The following TANK variants were observed in gnomAD, a reference collection of about 807,000 sequenced individuals.
The protein encoded by TANK is TRAF family member-associated NF-kappa-B activator.
Under a neutral mutation model 43.6 loss-of-function variants are expected in TANK, and 15 were observed. The observed-to-expected ratio is 0.34, with a 90% CI of 0.23 to 0.53. The LOEUF is 0.53. Ranked by LOEUF, TANK falls within the 20% of genes least tolerant of loss-of-function variation. The pLI, the probability that TANK is intolerant of heterozygous loss-of-function variation, is 0.94. For missense variants in TANK, 417 were observed against 498.6 expected (o/e 0.84, Z 1.56); for synonymous variants, 162 against 178.2 (o/e 0.91, Z 0.73).
At chr2:161,215,304 A>C (rs923448323) in intron 4 of TANK, among the ~76,000 whole-genome samples, 3 of 152,248 alleles carry the variant, frequency 2.0e-5, no homozygotes, top group African/African-American at 7.2e-5. Flanking sequence ...TGTTCTAAGA[A>C]TATTCCAGCA....
intron 2 of TANK, 94 bp from the exon 3 acceptor site, chr2:161,203,393 G>A: frequency 1.3e-6 from 1 of 778,080 alleles, no homozygotes; most frequent in Non-Finnish European, 2.1e-6. Context: ...ATGACAATGT[G>A]GGCAACTCAT....
chr2:161,164,833 A>G (rs1453766295), intron 1 of TANK, among the ~76,000 whole-genome samples: 1 of 152,128 alleles, frequency 6.6e-6, no homozygotes, highest in African/African-American at 2.4e-5. Context: ...ACCAAGAAAA[A>G]CATTTTTAAA....
chr2:161,234,590 T>C (rs975186900), intron 7 of TANK, among the ~76,000 whole-genome samples: 1 of 152,230 alleles, frequency 6.6e-6, no homozygotes, highest in Admixed American at 6.5e-5. Flanking sequence ...GAGGTGGTTC[T>C]GTTAGATTAT....
chr2:161,215,591 G>A lies in TANK; in HGVS notation c.328-8324G>A, dbSNP rs1242372565. On this transcript the variant is annotated intron_variant, in intron 4 of 7. Coordinates refer to ENST00000392749, the MANE Select transcript of TANK (RefSeq NM_001199135.3). The stretch of plus-strand genomic sequence containing the variant: ...GTACTCTGTTTTTTTAATTTTTAAA[G>A]GCGCAAGACTGTATCTGGGATCTGA... Among the ~76,000 whole-genome samples the A allele has an allele frequency of 3.3e-5, 5 of 152,180 alleles. No individual in the cohort carries two copies. In the East Asian group the frequency reaches 5.8e-4, roughly 18 times the overall value.
intron 1 of TANK, among the ~76,000 whole-genome samples, chr2:161,139,085 T>C (rs1456215046): frequency 6.6e-6 from 1 of 152,226 alleles, no homozygotes; most frequent in Non-Finnish European, 1.5e-5. Context: ...GCAATTTTAT[T>C]GATCCCTCAT....
intron 2 of TANK, among the ~76,000 whole-genome samples, chr2:161,198,609 T>A (rs978999429): frequency 6.6e-6 from 1 of 152,250 alleles, no homozygotes; most frequent in Admixed American, 6.5e-5. Flanking sequence ...ATATTTCCAA[T>A]GAGCATATCG....
chr2:161,163,998 A>G (rs527801104), intron 1 of TANK, among the ~76,000 whole-genome samples: 1 of 152,198 alleles, frequency 6.6e-6, no homozygotes, highest in African/African-American at 2.4e-5. Context: ...GTTTGCATCT[A>G]TGAACTGTGG....
At chr2:161,153,687 CAAAAAAAAAAA>C (rs11395042) in intron 1 of TANK, among the ~76,000 whole-genome samples, 1 of 76,340 alleles carries the variant, frequency 1.3e-5, no homozygotes, top group African/African-American at 5.6e-5. Context: ...GGCCCTGTCT[CAAAAAAAAAAA>C]AAAAAAAAAA....
At chr2:161,216,236 G>A (rs1687110884) in intron 4 of TANK, among the ~76,000 whole-genome samples, 1 of 152,002 alleles carries the variant, frequency 6.6e-6, no homozygotes, top group Admixed American at 6.6e-5. Flanking sequence ...AATATTATAG[G>A]GAGCCACTGA....
At chr2:161,204,603 A>C in intron 3 of TANK, 72 bp from the exon 4 acceptor site, 1 of 1,399,306 alleles carries the variant, frequency 7.1e-7, no homozygotes, top group Non-Finnish European at 9.8e-7. Context: ...AGTTTGTATT[A>C]TTTTTTGCTT....
chr2:161,154,991 T>C (rs1429964776), intron 1 of TANK, among the ~76,000 whole-genome samples: 1 of 152,148 alleles, frequency 6.6e-6, no homozygotes, highest in African/African-American at 2.4e-5. Context: ...GTGATCTGCC[T>C]GCCTTGGCCT....
upstream of TANK, among the ~76,000 whole-genome samples, chr2:161,157,873 G>C (rs1684266693): frequency 6.6e-6 from 1 of 152,066 alleles, no homozygotes; most frequent in African/African-American, 2.4e-5. Flanking sequence ...CAGCAGAAAC[G>C]GGTTTTCACC....
In TANK at chr2:161,204,792, A is replaced by AG; in HGVS notation, c.327+1dup. The AG allele has an allele frequency of 6.2e-7, 1 of 1,604,904 alleles. No individual in the cohort carries two copies. The highest frequency in any genetic ancestry group is 8.5e-7 in the Non-Finnish European group (1 of 1,177,446). ...GGAATAGCAAGAGAAAAACTACCAA[A>AG]GGTAGACATTGCTTCTGCAGAAAGC... On this transcript the variant is annotated frameshift_variant and splice_region_variant, in exon 4 of 8. Coordinates refer to ENST00000392749, the MANE Select transcript of TANK (RefSeq NM_001199135.3). LOFTEE classifies it high-confidence loss of function.
chr2:161,187,995 T>C (rs1456454846), intron 2 of TANK, among the ~76,000 whole-genome samples: 1 of 152,122 alleles, frequency 6.6e-6, no homozygotes, highest in Non-Finnish European at 1.5e-5. Flanking sequence ...TTAGAATGAA[T>C]ATATATTGTG....
intron 1 of TANK, 98 bp from the exon 2 acceptor site, chr2:161,179,516 G>A (rs1288353041): frequency 9.3e-7 from 1 of 1,071,474 alleles, no homozygotes; most frequent in South Asian, 2.2e-5. Context: ...GTGGTATAAT[G>A]TTTGTGGTAA....
rs1402710050 is a variant in TANK, at chr2:161,145,993, C to T, written c.-50+8930C>T. Among the ~76,000 whole-genome samples the T allele has an allele frequency of 2.6e-5, 4 of 152,104 alleles. No homozygotes were observed. The East Asian group carries it at 7.7e-4, about 29-fold the overall frequency. On this transcript the variant is annotated intron_variant, in intron 1 of 7. Transcript: ENST00000259075. ...GTAGGTTAGGTCTTTTTACATAGTC[C>T]CATATTTCTCAGAGGTGTTGTTCAT...
chr2:161,179,883 C>T, intron 2 of TANK, 122 bp downstream of exon 2: 1 of 1,369,032 alleles, frequency 7.3e-7, no homozygotes, highest in Non-Finnish European at 9.6e-7. Context: ...TACAGAAATG[C>T]AGGTATATAT....
chr2:161,160,788 C>A, intron 1 of TANK: 1 of 554,944 alleles, frequency 1.8e-6, no homozygotes, highest in Non-Finnish European at 3.6e-6. Context: ...CTGCTTTGCC[C>A]GGGAAATGGG....
chr2:161,181,196 G>A (rs1018847791), intron 2 of TANK, among the ~76,000 whole-genome samples: 1 of 152,136 alleles, frequency 6.6e-6, no homozygotes, highest in Admixed American at 6.6e-5. Flanking sequence ...TGAGGTAGGT[G>A]GATCACCTGA....
Sources: allele counts gnomAD v4.1 joint callset (sites outside exome capture counted in the v4.1 genomes callset), GRCh38; gene constraint gnomAD v4.1.1; transcripts MANE v1.5; gene names NCBI Gene and HGNC (gene_info 2026-07-23, HGNC 2026-07-21).